Variants in STAG1 observed in about 807,000 individuals in gnomAD.
STAG1 encodes the protein cohesin subunit SA-1.
Under a neutral mutation model 170.9 loss-of-function variants are expected in STAG1, and 26 were observed. The observed-to-expected ratio is 0.15, with a 90% CI of 0.11 to 0.21. The LOEUF (loss-of-function observed/expected upper bound fraction) is 0.21, where lower values mean the gene tolerates loss of function less well. Among genes scored for constraint, STAG1 ranks in the 10% least tolerant of loss-of-function variants. STAG1 has a pLI of 1.00. For synonymous variants in STAG1, 514 were observed against 497.7 expected (o/e 1.03, Z -0.44); for missense variants, 964 against 1,509.5 (o/e 0.64, Z 5.99).
At chr3:136,418,672 C>T (rs2087854414) in intron 20 of STAG1, among the ~76,000 whole-genome samples, 2 of 151,120 alleles carry the variant, frequency 1.3e-5, no homozygotes, top group Admixed American at 6.6e-5. Context: ...GACAGGGTCT[C>T]GCTCCGTCGC....
chr3:136,700,571 T>A (rs1055209052), intron 1 of STAG1, among the ~76,000 whole-genome samples: 1 of 151,398 alleles, frequency 6.6e-6, no homozygotes, highest in Non-Finnish European at 1.5e-5. Context: ...AGGTGCCCGC[T>A]ACCACGCCCG....
chr3:136,506,120 A>AT lies in STAG1; in HGVS notation c.677-3342dup, dbSNP rs529709488. On this transcript the variant is annotated intron_variant, in intron 7 of 33. Transcript: ENST00000383202. The stretch of plus-strand genomic sequence containing the variant: ...TGTGGAGTGATGTGAAACAGTCTGA[A>AT]TTAGATTTTAAACTGATGTGTGACC... Among the ~76,000 whole-genome samples the AT allele has an allele frequency of 6.6e-5, 10 of 152,336 alleles. No homozygotes were observed. The South Asian group carries it at 1.9e-3, about 28-fold the overall frequency.
At chr3:136,635,812 C>T (rs904303107) in intron 1 of STAG1, among the ~76,000 whole-genome samples, 4 of 152,334 alleles carry the variant, frequency 2.6e-5, no homozygotes, top group Middle Eastern at 3.4e-3. Flanking sequence ...AAGTCAATCA[C>T]TTTGCTGTAG....
chr3:136,655,101 A>G (rs1335260215), intron 1 of STAG1, among the ~76,000 whole-genome samples: 1 of 152,216 alleles, frequency 6.6e-6, no homozygotes, highest in African/African-American at 2.4e-5. Flanking sequence ...TCAGAACAAC[A>G]TCGGCACAGA....
chr3:136,340,427 G>C, intron 32 of STAG1, 64 bp downstream of exon 32: 1 of 1,092,100 alleles, frequency 9.2e-7, no homozygotes, highest in Non-Finnish European at 1.4e-6. Context: ...CGGCCTAAGA[G>C]GATCATCTTA....
At position 136,745,244 on chromosome 3, in the gene STAG1, T is replaced by C. The variant is rs1314702770; in HGVS notation, c.-84+6951A>G. Among the ~76,000 whole-genome samples the C allele has an allele frequency of 2.0e-5, 3 of 152,108 alleles. No individual in the cohort carries two copies. The East Asian group carries it at 5.8e-4, about 29-fold the overall frequency. On this transcript the variant is annotated intron_variant, in intron 1 of 33. Coordinates refer to ENST00000383202, the MANE Select transcript of STAG1 (RefSeq NM_005862.3). ...CCATAGCACAAAGGAATGTATTTCA[T>C]AAAGAAGGTAAGACATTCTCACATA...
At chr3:136,411,978 C>G (rs937178063) in intron 21 of STAG1, among the ~76,000 whole-genome samples, 1 of 151,978 alleles carries the variant, frequency 6.6e-6, no homozygotes, top group South Asian at 2.1e-4. Flanking sequence ...GTAGAGAGAG[C>G]ATTTTGCCAT....
rs146944158 is a variant in STAG1 at position 136,703,169 on chromosome 3, G to C, written c.-84+49026C>G. Reference sequence around the variant, plus strand: ...GTTCTTCCACTGAAACAATTATAAAGCTGGCAAGAACTACAAGAAATCAAC... The same window carrying C: ...GTTCTTCCACTGAAACAATTATAAACCTGGCAAGAACTACAAGAAATCAAC... On this transcript the variant is annotated intron_variant, in intron 1 of 33. Coordinates refer to ENST00000383202, the MANE Select transcript of STAG1 (RefSeq NM_005862.3). Among the ~76,000 whole-genome samples the C allele has an allele frequency of 3.2e-4, 48 of 151,194 alleles. No individual in the cohort carries two copies. In the East Asian group the frequency reaches 5.8e-3, roughly 18 times the overall value.
chr3:136,336,789 C>T lies in STAG1; in HGVS notation c.*1465G>A, dbSNP rs991985639. 1.1e-4 allele frequency: 16 copies of T among 152,198 alleles called. No individual in the cohort carries two copies. Among genetic ancestry groups the T allele is most frequent in the African/African-American group, 3.9e-4 (16 of 41,456 alleles). The allele number at this position is 152,198 out of a possible 1,614,324, so 9.4% of individuals were successfully genotyped here. On this transcript the variant is annotated 3_prime_UTR_variant, in exon 34 of 34. Transcript: ENST00000383202. ...AAATCATCCATCATCATCTTGCTTT[C>T]CCGCACAAAAGATGATCACTGGGTG...
At chr3:136,654,256 AT>A (rs774229514) in intron 1 of STAG1, among the ~76,000 whole-genome samples, 45 of 152,252 alleles carry the variant, frequency 3.0e-4, no homozygotes, top group Non-Finnish European at 5.4e-4. Context: ...GATTTCACAC[AT>A]AAAAGCTTTA....
At chr3:136,601,736 T>C (rs1390368378) in intron 4 of STAG1, among the ~76,000 whole-genome samples, 1 of 151,096 alleles carries the variant, frequency 6.6e-6, no homozygotes, top group African/African-American at 2.4e-5. Context: ...ACTCGGGAGG[T>C]TGAGGCAGGA....
chr3:136,710,207 C>T (rs1943343986), intron 1 of STAG1, among the ~76,000 whole-genome samples: 1 of 152,112 alleles, frequency 6.6e-6, no homozygotes, highest in Non-Finnish European at 1.5e-5. Context: ...GATAACCTGT[C>T]CTTAAGACCC....
rs908676041 is a variant in STAG1 at position 136,337,468 on chromosome 3, G to A, written c.*786C>T. On this transcript the variant is annotated 3_prime_UTR_variant, in exon 34 of 34. Coordinates refer to ENST00000383202, the MANE Select transcript of STAG1 (RefSeq NM_005862.3). ...AAAATGCACAGAACAAATACCAATA[G>A]AAAATGCACTGTATTTGAATCTCCC... 2 of 152,612 alleles carry A rather than the reference G, an allele frequency of 1.3e-5. No individual in the cohort carries two copies. Among genetic ancestry groups the A allele is most frequent in the African/African-American group, 2.4e-5 (1 of 41,440 alleles). The allele number at this position is 152,612 out of a possible 1,614,324, so 9.5% of individuals were successfully genotyped here.
intron 8 of STAG1, among the ~76,000 whole-genome samples, chr3:136,501,821 AG>A (rs1420446227): frequency 6.6e-6 from 1 of 152,158 alleles, no homozygotes; most frequent in Non-Finnish European, 1.5e-5. Context: ...TCAAGTTATA[AG>A]ATAGACTAAT....
At position 136,340,563 on chromosome 3, in the gene STAG1, A is replaced by G; in HGVS notation, c.3600T>C (p.Asp1200=). ...ACTGGCTTCGGGATGACATCATCAC[A>G]TCTTCAAAGATGGGCTCAGCATCTT... ...MEEDAEPIFE[D]VMMSSRSQLE... Residue 1200 remains aspartate (D), a synonymous_variant, in exon 32 of 34, where the codon GAT becomes GAC. Transcript: ENST00000383202. 1 of 1,614,096 alleles carries G rather than the reference A, an allele frequency of 6.2e-7. No homozygotes were observed. The highest frequency in any genetic ancestry group is 8.5e-7 in the Non-Finnish European group (1 of 1,179,924).
chr3:136,478,837 G>C (rs376368343), intron 9 of STAG1, among the ~76,000 whole-genome samples: 1 of 152,206 alleles, frequency 6.6e-6, no homozygotes, highest in African/African-American at 2.4e-5. Context: ...ACAGGCTCTG[G>C]AGGAAGACAT....
intron 12 of STAG1, among the ~76,000 whole-genome samples, chr3:136,467,414 G>C (rs1429939953): frequency 1.3e-5 from 2 of 152,106 alleles, no homozygotes; most frequent in African/African-American, 4.8e-5. Flanking sequence ...GACAAAGAAG[G>C]CCATTACATA....
At chr3:136,499,345 G>A (rs188210095) in intron 9 of STAG1, among the ~76,000 whole-genome samples, 79 of 151,970 alleles carry the variant, frequency 5.2e-4, no homozygotes, top group African/African-American at 1.8e-3. Context: ...CTACCACACC[G>A]GGCTGATTTT....
chr3:136,364,724 A>T (rs543528219), intron 25 of STAG1, among the ~76,000 whole-genome samples: 2 of 152,238 alleles, frequency 1.3e-5, no homozygotes, highest in Non-Finnish European at 2.9e-5. Context: ...CTGTGAGTAA[A>T]TAATCAAAAG....
Sources: allele counts gnomAD v4.1 joint callset (sites outside exome capture counted in the v4.1 genomes callset), GRCh38; gene constraint gnomAD v4.1.1; transcripts MANE v1.5; gene names NCBI Gene and HGNC (gene_info 2026-07-23, HGNC 2026-07-21).